The following SLC39A11 variants were observed in gnomAD, a reference collection of about 807,000 sequenced individuals.
The protein encoded by SLC39A11 is zinc transporter ZIP11.
Under a neutral mutation model 36.1 loss-of-function variants are expected in SLC39A11, and 33 were observed. The observed-to-expected ratio is 0.91, with a 90% CI of 0.69 to 1.22. The LOEUF (loss-of-function observed/expected upper bound fraction) is 1.22, where lower values mean the gene tolerates loss of function less well. Among genes scored for constraint, SLC39A11 ranks in the 50% most tolerant of loss-of-function variants. The probability of loss-of-function intolerance (pLI) is 0.00; values close to 1 mark genes in which losing one functional copy is unlikely to be tolerated. For synonymous variants in SLC39A11, 166 were observed against 170.3 expected, an observed-to-expected ratio of 0.97 and a Z score of 0.20; for missense variants, 432 against 430.3, an observed-to-expected ratio of 1.00 and a Z score of -0.03.
intron 5 of SLC39A11, among the ~76,000 whole-genome samples, chr17:72,916,232 A>G (rs2083324014): frequency 6.7e-6 from 1 of 149,624 alleles, no homozygotes; most frequent in Non-Finnish European, 1.5e-5. Context: ...ACACACATAT[A>G]TCTGTACACA....
chr17:72,979,354 C>CAGACG (rs145216944), intron 4 of SLC39A11, among the ~76,000 whole-genome samples: 2 of 151,474 alleles, frequency 1.3e-5, no homozygotes, highest in Admixed American at 1.3e-4. Context: ...GGTCTGAAAA[C>CAGACG]AGACTAATAC....
At chr17:72,662,215 T>C (rs1434748875) in intron 7 of SLC39A11, among the ~76,000 whole-genome samples, 2 of 151,826 alleles carry the variant, frequency 1.3e-5, no homozygotes, top group East Asian at 3.9e-4. Context: ...TGTAGTACTA[T>C]GATGGAGCCA....
chr17:72,809,931 G>T (rs945341645), intron 6 of SLC39A11, among the ~76,000 whole-genome samples: 1 of 151,970 alleles, frequency 6.6e-6, no homozygotes, highest in East Asian at 1.9e-4. Flanking sequence ...CTAGCCAGGC[G>T]TGGGCACCTA....
At chr17:72,990,548 G>A (rs140768099) in intron 4 of SLC39A11, among the ~76,000 whole-genome samples, 65 of 152,170 alleles carry the variant, frequency 4.3e-4, no homozygotes, top group African/African-American at 1.3e-3. Flanking sequence ...CCTCAGCCTC[G>A]CGAGGAGCTG....
At chr17:73,055,097 C>A (rs1166107645) in intron 3 of SLC39A11, among the ~76,000 whole-genome samples, 3 of 152,144 alleles carry the variant, frequency 2.0e-5, no homozygotes, top group Non-Finnish European at 4.4e-5. Flanking sequence ...ATGCACCTCC[C>A]AATCCAACCT....
chr17:72,945,918 C>T (rs566191757), intron 5 of SLC39A11, among the ~76,000 whole-genome samples: 3 of 152,286 alleles, frequency 2.0e-5, no homozygotes, highest in East Asian at 3.9e-4. Context: ...CACCTTCCCC[C>T]GACCCCACCA....
chr17:72,787,805 TAC>T (rs1240991833), intron 6 of SLC39A11, among the ~76,000 whole-genome samples: 2 of 152,226 alleles, frequency 1.3e-5, no homozygotes, highest in Admixed American at 6.5e-5. Context: ...CTCATTCTGA[TAC>T]ATTCTGTTTC....
At chr17:72,696,185 G>T (rs981781476) in intron 7 of SLC39A11, among the ~76,000 whole-genome samples, 5 of 152,020 alleles carry the variant, frequency 3.3e-5, no homozygotes, top group African/African-American at 4.8e-5. Context: ...GGGGCAGGGG[G>T]AGGGGAAGGC....
chr17:73,081,013 G>T (rs1210287001), intron 3 of SLC39A11, among the ~76,000 whole-genome samples: 1 of 151,796 alleles, frequency 6.6e-6, no homozygotes, highest in Middle Eastern at 3.4e-3. Flanking sequence ...CACAGCAAAA[G>T]AAATAATCAG....
chr17:72,739,117 T>C (rs1462342860), intron 6 of SLC39A11, among the ~76,000 whole-genome samples: 1 of 143,402 alleles, frequency 7.0e-6, no homozygotes, highest in African/African-American at 2.6e-5. Context: ...AGCTGCAGGT[T>C]GAGAATTTCG....
chr17:72,735,435 TG>T (rs1264220962), intron 7 of SLC39A11, among the ~76,000 whole-genome samples: 2 of 152,090 alleles, frequency 1.3e-5, no homozygotes, highest in African/African-American at 4.8e-5. Context: ...TCACGATCAA[TG>T]GGTGCAGGAG....
Position 72,703,579 on chromosome 17 carries a change from C to T in SLC39A11, c.671+33071G>A, listed in dbSNP as rs2072749308. ...CGTGAAACACACAGAGTAAGGTTTCCTGCCCCCACTTTTCTGATGATCTGT... is the reference window on the plus strand; with the variant it reads ...CGTGAAACACACAGAGTAAGGTTTCTTGCCCCCACTTTTCTGATGATCTGT... On this transcript the variant is annotated intron_variant, in intron 7 of 9. Coordinates refer to ENST00000255559, the MANE Select transcript of SLC39A11 (RefSeq NM_139177.4). Among the ~76,000 whole-genome samples the T allele has an allele frequency of 2.6e-5, 4 of 152,288 alleles. No homozygotes were observed. In the South Asian group the frequency reaches 8.3e-4, roughly 32 times the overall value.
At chr17:73,060,210 C>CAAAAAAAAAAAAAAAAAAACAAAAA (rs2059797398) in intron 3 of SLC39A11, among the ~76,000 whole-genome samples, 1 of 70,352 alleles carries the variant, frequency 1.4e-5, no homozygotes, top group East Asian at 4.8e-4. Context: ...AACTCCATCT[C>CAAAAAAAAAAAAAAAAAAACAAAAA]AAAAAAAAAA....
intron 5 of SLC39A11, among the ~76,000 whole-genome samples, chr17:72,906,798 C>G (rs1171740601): frequency 2.6e-5 from 4 of 152,228 alleles, no homozygotes; most frequent in African/African-American, 9.6e-5. Flanking sequence ...TCATAGATCA[C>G]TATGATGTGT....
intron 6 of SLC39A11, chr17:72,818,046 G>A (rs1263728780): frequency 6.6e-6 from 1 of 152,158 alleles, no homozygotes; most frequent in Non-Finnish European, 1.5e-5. Flanking sequence ...ACAGCAGCAT[G>A]AGGGTAATCG....
At chr17:72,959,311 A>ATGTGTGTGTG (rs1214552224) in intron 4 of SLC39A11, among the ~76,000 whole-genome samples, 19 of 92,580 alleles carry the variant, frequency 2.1e-4, no homozygotes, top group African/African-American at 6.3e-4. Flanking sequence ...TGGTGTATGT[A>ATGTGTGTGTG]TGTGTGTGTG....
chr17:72,933,960 C>A (rs1301033995), intron 5 of SLC39A11, among the ~76,000 whole-genome samples: 4 of 151,300 alleles, frequency 2.6e-5, no homozygotes, highest in African/African-American at 9.7e-5. Flanking sequence ...TTTACAAAAG[C>A]GAAAGGTTAA....
chr17:73,008,222 T>C (rs1268497469), intron 4 of SLC39A11, among the ~76,000 whole-genome samples: 1 of 147,260 alleles, frequency 6.8e-6, no homozygotes, highest in Non-Finnish European at 1.5e-5. Flanking sequence ...CTCAAACTCC[T>C]TGCTTTAAGC....
At chr17:72,901,483 C>T (rs1016825993) in intron 5 of SLC39A11, among the ~76,000 whole-genome samples, 4 of 152,050 alleles carry the variant, frequency 2.6e-5, no homozygotes, top group African/African-American at 9.7e-5. Context: ...GATTTGGGTA[C>T]GGTACAGATG....
Sources: allele counts gnomAD v4.1 joint callset (sites outside exome capture counted in the v4.1 genomes callset), GRCh38; gene constraint gnomAD v4.1.1; transcripts MANE v1.5; gene names NCBI Gene and HGNC (gene_info 2026-07-23, HGNC 2026-07-21).